Variants in FAM107B observed in about 807,000 individuals in gnomAD.
The protein encoded by FAM107B is family with sequence similarity 107 member B, also known as protein FAM107B.
FAM107B carries 21 observed loss-of-function variants against 31.5 expected under a neutral mutation model. The observed-to-expected ratio is 0.67, with a 90% confidence interval of 0.47 to 0.96. FAM107B has a LOEUF of 0.96. Ranked by LOEUF, FAM107B falls within the 40% of genes least tolerant of loss-of-function variation. The pLI is 0.00. For synonymous variants in FAM107B, 157 were observed against 141.5 expected (o/e 1.11, Z -0.78); for missense variants, 452 against 377.1 (o/e 1.20, Z -1.64).
chr10:14,760,419 A>G (rs1833020417), intron 1 of FAM107B, among the ~76,000 whole-genome samples: 2 of 152,254 alleles, frequency 1.3e-5, no homozygotes, highest in East Asian at 3.8e-4. Flanking sequence ...AGGAGAAAAT[A>G]TAGAATACTA....
chr10:14,650,248 A>G (rs1303888377), intron 2 of FAM107B, among the ~76,000 whole-genome samples: 3 of 152,038 alleles, frequency 2.0e-5, no homozygotes, highest in African/African-American at 7.2e-5. Flanking sequence ...TAAGCTCATT[A>G]CAGAAAATTT....
chr10:14,603,125 T>A (rs1046235609), intron 2 of FAM107B, among the ~76,000 whole-genome samples: 1 of 152,068 alleles, frequency 6.6e-6, no homozygotes, highest in Non-Finnish European at 1.5e-5. Context: ...TTTTTTTCTA[T>A]ATATTTTCAA....
chr10:14,561,270 G>A (rs570912499), intron 2 of FAM107B, among the ~76,000 whole-genome samples: 1 of 152,370 alleles, frequency 6.6e-6, no homozygotes, highest in Admixed American at 6.5e-5. Context: ...TCAGGGGCAG[G>A]CAGCCAACTG....
intron 1 of FAM107B, among the ~76,000 whole-genome samples, chr10:14,697,183 C>A (rs1564629109): frequency 6.6e-6 from 1 of 152,122 alleles, no homozygotes; most frequent in Non-Finnish European, 1.5e-5. Flanking sequence ...AATCTCAGCC[C>A]CTTAAAGAGG....
At chr10:14,706,645 A>G (rs1450723665) in intron 1 of FAM107B, among the ~76,000 whole-genome samples, 1 of 152,206 alleles carries the variant, frequency 6.6e-6, no homozygotes. Context: ...ATGTATGACT[A>G]TTGTGTAATA....
intron 2 of FAM107B, among the ~76,000 whole-genome samples, chr10:14,610,298 A>G (rs1852696024): frequency 6.6e-6 from 1 of 152,222 alleles, no homozygotes; most frequent in Non-Finnish European, 1.5e-5. Flanking sequence ...AGCCAAGATC[A>G]CACCACTGCA....
intron 2 of FAM107B, among the ~76,000 whole-genome samples, chr10:14,583,893 C>A (rs939223764): frequency 7.2e-5 from 11 of 152,154 alleles, no homozygotes; most frequent in African/African-American, 2.7e-4. Context: ...AAGTACAAAA[C>A]GACACTCTCC....
chr10:14,683,048 A>T (rs1007033350), intron 1 of FAM107B, among the ~76,000 whole-genome samples: 1 of 152,180 alleles, frequency 6.6e-6, no homozygotes, highest in Admixed American at 6.5e-5. Context: ...CCATTACACA[A>T]TGTGGGACTG....
At chr10:14,565,405 C>A (rs1309162829) in intron 2 of FAM107B, among the ~76,000 whole-genome samples, 1 of 152,042 alleles carries the variant, frequency 6.6e-6, no homozygotes, top group East Asian at 1.9e-4. Context: ...ACAAGATGAG[C>A]CAGAAGAAAG....
At chr10:14,570,863 AT>A (rs35227134) in intron 2 of FAM107B, among the ~76,000 whole-genome samples, 96,073 of 145,768 alleles carry the variant, frequency 0.66, 31,751 homozygotes, top group East Asian at 0.86. Context: ...TCATGTGTTC[AT>A]TTTTTTTTTT....
Position 14,521,205 on chromosome 10 carries a change from T to C in FAM107B, c.906A>G (p.Gln302=). The C allele has an allele frequency of 6.2e-7, 1 of 1,614,140 alleles. No homozygotes were observed. Among genetic ancestry groups the C allele is most frequent in the Admixed American group, 1.7e-5 (1 of 60,026 alleles). ...NLRRTGQEVA[Q]AQES ...CAGCCTCAGCCTAGGACTCCTGGGC[T>C]TGGGCGACTTCTTGGCCTGTTCTCC... Residue 302 remains glutamine, a synonymous_variant, in exon 5 of 5, where the codon CAA becomes CAG. Transcript: ENST00000181796.
intron 1 of FAM107B, among the ~76,000 whole-genome samples, chr10:14,685,310 C>T (rs549592649): frequency 9.0e-4 from 137 of 151,852 alleles, no homozygotes; most frequent in African/African-American, 3.2e-3. Context: ...CACCATGACC[C>T]GCTAATTTTT....
intron 2 of FAM107B, among the ~76,000 whole-genome samples, chr10:14,605,574 C>T (rs1185337711): frequency 6.6e-6 from 1 of 152,198 alleles, no homozygotes; most frequent in East Asian, 1.9e-4. Flanking sequence ...ATACCTATCA[C>T]ACACCATGCT....
intron 1 of FAM107B, among the ~76,000 whole-genome samples, chr10:14,704,071 T>A (rs1855465979): frequency 6.6e-6 from 1 of 152,132 alleles, no homozygotes; most frequent in Admixed American, 6.6e-5. Context: ...GAAACAGCAA[T>A]CATGGTTCCC....
At chr10:14,723,609 G>A (rs1855963520) in intron 1 of FAM107B, 4 of 692,164 alleles carry the variant, frequency 5.8e-6, no homozygotes, top group Non-Finnish European at 8.0e-6. Flanking sequence ...GGGAATCTGT[G>A]TGACACAGAG....
chr10:14,580,861 G>C lies in FAM107B; in HGVS notation c.470-50346C>G, dbSNP rs72768937. On this transcript the variant is annotated intron_variant, in intron 2 of 4. Transcript: ENST00000181796. The stretch of plus-strand genomic sequence containing the variant: ...AAGATGGAACGTAATGTATTCTGCA[G>C]AACGTTCTTCCCAGAGATCATTTCC... Among the ~76,000 whole-genome samples the C allele has an allele frequency of 2.7e-3, 411 of 152,336 alleles. 2 individuals carry two copies. Among genetic ancestry groups the C allele is most frequent in the Middle Eastern group, 6.8e-3 (2 of 294 alleles).
At chr10:14,598,780 CTCA>C (rs921071123) in intron 2 of FAM107B, among the ~76,000 whole-genome samples, 1 of 152,172 alleles carries the variant, frequency 6.6e-6, no homozygotes, top group African/African-American at 2.4e-5. Flanking sequence ...ATAAACACCC[CTCA>C]TTTGCCAAAT....
intron 2 of FAM107B, among the ~76,000 whole-genome samples, chr10:14,659,070 G>C (rs937394091): frequency 6.6e-6 from 1 of 152,158 alleles, no homozygotes; most frequent in Non-Finnish European, 1.5e-5. Context: ...AGAGTCTGGG[G>C]ACCAGGTCTT....
intron 2 of FAM107B, among the ~76,000 whole-genome samples, chr10:14,648,603 A>C (rs1853825429): frequency 6.6e-6 from 1 of 152,230 alleles, no homozygotes; most frequent in Admixed American, 6.5e-5. Flanking sequence ...GTGAATGGGC[A>C]TCTTGTGTTT....
Sources: gnomAD v4.1 joint callset for allele counts (sites outside exome capture counted in the v4.1 genomes callset) on GRCh38, gnomAD v4.1.1 for gene constraint, MANE v1.5 for transcripts, NCBI Gene and HGNC (gene_info 2026-07-23, HGNC 2026-07-21) for gene names.